The following HECTD2 variants were observed in gnomAD, a reference collection of about 807,000 sequenced individuals.
HECTD2 encodes HECT domain E3 ubiquitin protein ligase 2, also known as probable E3 ubiquitin-protein ligase HECTD2.
In HECTD2, 35 loss-of-function variants were observed where a neutral mutation model predicts 103.2. The ratio of observed to expected loss-of-function variants is 0.34; its 90% CI spans 0.26 to 0.45. The LOEUF (loss-of-function observed/expected upper bound fraction) is 0.45, where lower values mean the gene tolerates loss of function less well. HECTD2 is among the 20% of genes least tolerant of loss of function. The pLI, the probability that HECTD2 is intolerant of heterozygous loss-of-function variation, is 1.00. For synonymous variants in HECTD2, 281 were observed against 329.9 expected, an observed-to-expected ratio of 0.85 and a Z score of 1.61; for missense variants, 596 against 937.4, an observed-to-expected ratio of 0.64 and a Z score of 4.76.
At chr10:91,475,416 G>C (rs749454632) in intron 5 of HECTD2, among the ~76,000 whole-genome samples, 9 of 152,196 alleles carry the variant, frequency 5.9e-5, no homozygotes, top group Non-Finnish European at 1.2e-4. Context: ...GTGAAGGAGA[G>C]ATCAAAGTGT....
Position 91,501,177 on chromosome 10 carries a change from T to C in HECTD2, c.2067-14T>C. 6.2e-7 allele frequency: 1 copy of C among 1,601,746 alleles called. No individual in the cohort carries two copies. The highest frequency in any genetic ancestry group is 8.5e-7 in the Non-Finnish European group (1 of 1,173,914). On this transcript the variant is annotated splice_polypyrimidine_tract_variant and intron_variant, in intron 19 of 20. Transcript: ENST00000298068. Reference sequence around the variant, plus strand: ...TCAAGACATTTGATGTTAATTTCCTTTGGTATTCTCTAGATACTTTTGGGA... The same window carrying C: ...TCAAGACATTTGATGTTAATTTCCTCTGGTATTCTCTAGATACTTTTGGGA...
In HECTD2 at chr10:91,513,773, G is replaced by C. The variant is rs1408149171; in HGVS notation, c.*1389G>C. On this transcript the variant is annotated 3_prime_UTR_variant, in exon 21 of 21. Coordinates refer to ENST00000298068, the MANE Select transcript of HECTD2 (RefSeq NM_182765.6). ...CTTTCCCCAAAATCTTTCTGGGCTA[G>C]GCTATTTTCTTGCTATGCTTCCTGC... The C allele has an allele frequency of 1.3e-5, 2 of 152,506 alleles. No homozygotes were observed. Among genetic ancestry groups the C allele is most frequent in the Non-Finnish European group, 2.9e-5 (2 of 68,028 alleles). 9.4% of individuals were successfully genotyped at this position (152,506 alleles called of 1,614,324 possible).
intron 2 of HECTD2, among the ~76,000 whole-genome samples, chr10:91,449,475 G>A (rs184274673): frequency 3.9e-4 from 59 of 152,124 alleles, no homozygotes; most frequent in African/African-American, 1.4e-3. Flanking sequence ...TTCCCTTTAA[G>A]AACTGACAGA....
chr10:91,496,175 A>G (rs987576830), intron 14 of HECTD2, 39 bp from the exon 15 acceptor site: 6 of 1,485,666 alleles, frequency 4.0e-6, no homozygotes, highest in East Asian at 2.4e-5. Flanking sequence ...ATTTGTTGTC[A>G]TGGATTTTAT....
chr10:91,439,308 TC>T (rs1471576606), intron 2 of HECTD2, among the ~76,000 whole-genome samples: 2 of 152,214 alleles, frequency 1.3e-5, no homozygotes, highest in Non-Finnish European at 2.9e-5. Flanking sequence ...TAGCCAGTTT[TC>T]CCAGCACCAT....
rs565511786 is a variant in HECTD2 at position 91,481,782 on chromosome 10, T to C, written c.711+643T>C. On this transcript the variant is annotated intron_variant, in intron 7 of 20. Coordinates refer to ENST00000298068, the MANE Select transcript of HECTD2 (RefSeq NM_182765.6). The stretch of plus-strand genomic sequence containing the variant: ...GCATACTATTAATACATTTGCATTA[T>C]TCTTTACAATTTATAAAAGTTGTCC... 1.8e-4 allele frequency among the ~76,000 whole-genome samples: 28 copies of C among 151,978 alleles called. No individual in the cohort carries two copies. The South Asian group carries it at 4.8e-3, about 26-fold the overall frequency.
At chr10:91,433,154 A>G (rs898888005) in intron 2 of HECTD2, among the ~76,000 whole-genome samples, 2 of 152,000 alleles carry the variant, frequency 1.3e-5, no homozygotes, top group African/African-American at 4.8e-5. Flanking sequence ...ATCTTTCCCT[A>G]GGTCAGAGTG....
chr10:91,417,811 T>G (rs1843193171), intron 1 of HECTD2, among the ~76,000 whole-genome samples: 1 of 152,170 alleles, frequency 6.6e-6, no homozygotes, highest in East Asian at 1.9e-4. Flanking sequence ...TTGTGAATAG[T>G]GCCGCAATAA....
chr10:91,508,600 C>T (rs1433975414), intron 20 of HECTD2, among the ~76,000 whole-genome samples: 7 of 149,268 alleles, frequency 4.7e-5, no homozygotes, highest in South Asian at 2.1e-4. Context: ...GTTAGAATGG[C>T]GATCATTAAA....
intron 2 of HECTD2, among the ~76,000 whole-genome samples, chr10:91,436,552 G>A (rs1165585519): frequency 6.6e-6 from 1 of 151,876 alleles, no homozygotes; most frequent in Non-Finnish European, 1.5e-5. Flanking sequence ...TCTGTGTCTG[G>A]CATTCCCTAG....
chr10:91,506,905 A>C (rs1847206465), intron 20 of HECTD2, among the ~76,000 whole-genome samples: 1 of 148,972 alleles, frequency 6.7e-6, no homozygotes, highest in African/African-American at 2.6e-5. Flanking sequence ...ATCCAGCAGC[A>C]CATCAAAAAG....
At chr10:91,506,529 A>G (rs1459743994) in intron 20 of HECTD2, among the ~76,000 whole-genome samples, 2 of 152,318 alleles carry the variant, frequency 1.3e-5, no homozygotes, top group South Asian at 2.1e-4. Flanking sequence ...TCTAGAAGAA[A>G]TGGATAAATT....
At chr10:91,462,532 A>G in intron 5 of HECTD2, 3 of 1,053,764 alleles carry the variant, frequency 2.8e-6, no homozygotes, top group Non-Finnish European at 3.5e-6. Flanking sequence ...AATCACAAGA[A>G]GGGCTTGTTA....
chr10:91,445,489 T>A (rs1056551872), intron 2 of HECTD2, among the ~76,000 whole-genome samples: 3 of 152,080 alleles, frequency 2.0e-5, no homozygotes, highest in African/African-American at 7.2e-5. Context: ...TGGGACTGGG[T>A]CATATTGCTG....
intron 5 of HECTD2, among the ~76,000 whole-genome samples, chr10:91,469,211 CCAA>C (rs1564722762): frequency 6.6e-6 from 1 of 152,118 alleles, no homozygotes; most frequent in Non-Finnish European, 1.5e-5. Flanking sequence ...GAATATTTCC[CCAA>C]CCTCACTAGA....
intron 2 of HECTD2, among the ~76,000 whole-genome samples, chr10:91,434,147 C>CT (rs202002505): frequency 2.0e-5 from 3 of 151,580 alleles, no homozygotes; most frequent in African/African-American, 7.2e-5. Flanking sequence ...GTGAGTCAGA[C>CT]TTTTTTTTTC....
At chr10:91,443,823 T>A (rs1258564404) in intron 2 of HECTD2, among the ~76,000 whole-genome samples, 1 of 152,200 alleles carries the variant, frequency 6.6e-6, no homozygotes, top group African/African-American at 2.4e-5. Context: ...ACAGAAGAGT[T>A]TATTAAATCT....
chr10:91,473,244 A>AAATTATTTGG (rs1264862533), intron 5 of HECTD2, among the ~76,000 whole-genome samples: 3 of 152,220 alleles, frequency 2.0e-5, no homozygotes, highest in Non-Finnish European at 4.4e-5. Flanking sequence ...TCATAAAGGA[A>AAATTATTTGG]AATTATTTGG....
At chr10:91,477,008 G>A (rs958354018) in intron 5 of HECTD2, among the ~76,000 whole-genome samples, 2 of 151,866 alleles carry the variant, frequency 1.3e-5, no homozygotes, top group East Asian at 1.9e-4. Flanking sequence ...GTGAAACCCC[G>A]TCTCTACTAA....
Sources: allele counts gnomAD v4.1 joint callset (sites outside exome capture counted in the v4.1 genomes callset), GRCh38; gene constraint gnomAD v4.1.1; transcripts MANE v1.5; gene names NCBI Gene and HGNC (gene_info 2026-07-23, HGNC 2026-07-21).